Variants in LRMDA observed in about 807,000 individuals in gnomAD.
LRMDA encodes the protein leucine rich melanocyte differentiation associated.
In LRMDA, 18 loss-of-function variants were observed where a neutral mutation model predicts 29.8. That is an observed-to-expected ratio of 0.60 (90% CI 0.42 to 0.90). The LOEUF is 0.90. Among genes scored for constraint, LRMDA ranks in the 40% least tolerant of loss-of-function variants. The pLI is 0.00. For synonymous variants in LRMDA, 125 were observed against 109.4 expected, an observed-to-expected ratio of 1.14 and a Z score of -0.89; for missense variants, 273 against 273.9, an observed-to-expected ratio of 1.00 and a Z score of 0.02.
At chr10:76,113,137 A>C (rs1031310100) in intron 5 of LRMDA, among the ~76,000 whole-genome samples, 3 of 151,474 alleles carry the variant, frequency 2.0e-5, no homozygotes, top group African/African-American at 7.3e-5. Context: ...TCTCTTCCAT[A>C]CTCCATGGAA....
At chr10:75,454,220 C>T (rs538961699) in intron 2 of LRMDA, among the ~76,000 whole-genome samples, 1 of 152,230 alleles carries the variant, frequency 6.6e-6, no homozygotes, top group South Asian at 2.1e-4. Flanking sequence ...GTAGCCAGCT[C>T]CTACACAGAA....
intron 2 of LRMDA, among the ~76,000 whole-genome samples, chr10:75,940,009 A>G (rs978514647): frequency 6.6e-6 from 1 of 152,140 alleles, no homozygotes; most frequent in South Asian, 2.1e-4. Flanking sequence ...GGATGAAGAG[A>G]ACTATGCACC....
At chr10:75,750,306 C>A (rs994869969) in intron 2 of LRMDA, among the ~76,000 whole-genome samples, 1 of 151,570 alleles carries the variant, frequency 6.6e-6, no homozygotes, top group African/African-American at 2.4e-5. Flanking sequence ...GGCTGCCCCC[C>A]ACCTCCCTCC....
intron 2 of LRMDA, among the ~76,000 whole-genome samples, chr10:75,534,877 CAGA>C (rs1839928543): frequency 1.3e-5 from 2 of 152,098 alleles, no homozygotes; most frequent in African/African-American, 4.8e-5. Flanking sequence ...AATGGAGGGT[CAGA>C]TTCAGGGGAA....
chr10:75,604,774 C>T (rs1840934858), intron 2 of LRMDA, among the ~76,000 whole-genome samples: 1 of 152,186 alleles, frequency 6.6e-6, no homozygotes, highest in African/African-American at 2.4e-5. Context: ...TGCTGTGACT[C>T]TCAGACTGGT....
chr10:75,592,254 C>T (rs1053571326), intron 2 of LRMDA, among the ~76,000 whole-genome samples: 1 of 152,150 alleles, frequency 6.6e-6, no homozygotes, highest in African/African-American at 2.4e-5. Context: ...TGCCTCTGCC[C>T]GTCCCCAGCA....
intron 5 of LRMDA, among the ~76,000 whole-genome samples, chr10:76,263,418 A>T (rs1284249892): frequency 1.3e-5 from 2 of 152,182 alleles, no homozygotes; most frequent in South Asian, 2.1e-4. Flanking sequence ...AATGGAGTTG[A>T]TGTGCTATTT....
At chr10:76,047,053 A>AG in intron 3 of LRMDA, 111 bp from the exon 4 acceptor site, 1 of 1,172,696 alleles carries the variant, frequency 8.5e-7, no homozygotes, top group South Asian at 1.4e-5. Flanking sequence ...TTCAGCCCCC[A>AG]CCCTGAGGTC....
At position 75,802,315 on chromosome 10, in the gene LRMDA, C is replaced by G. The variant is rs146146889; in HGVS notation, c.132-233693C>G. On this transcript the variant is annotated intron_variant, in intron 2 of 6. Transcript: ENST00000611255. ...TCTGGGCAACAGAGAGAGACCCTAT[C>G]TCTAAACACACACACACGCGCACAC... is the stretch of plus-strand genomic sequence containing the variant. Among the ~76,000 whole-genome samples the G allele has an allele frequency of 3.6e-4, 52 of 146,410 alleles. No homozygotes were observed. The East Asian group carries it at 9.9e-3, about 28-fold the overall frequency.
At chr10:75,847,686 A>G (rs994837821) in intron 2 of LRMDA, among the ~76,000 whole-genome samples, 1 of 152,202 alleles carries the variant, frequency 6.6e-6, no homozygotes, top group Non-Finnish European at 1.5e-5. Flanking sequence ...GGTGAAGGAC[A>G]TGAATAGAAG....
intron 2 of LRMDA, among the ~76,000 whole-genome samples, chr10:75,894,208 T>C (rs1845545335): frequency 6.6e-6 from 1 of 151,244 alleles, no homozygotes; most frequent in South Asian, 2.1e-4. Flanking sequence ...GTCCCCAAAT[T>C]CCATTGTATC....
intron 5 of LRMDA, among the ~76,000 whole-genome samples, chr10:76,091,276 CGTGTGTGTGT>C (rs56145957): frequency 0.026 from 3,823 of 146,880 alleles, 140 homozygotes; most frequent in African/African-American, 0.081. Flanking sequence ...ACATGGTGGA[CGTGTGTGTGT>C]GTGTGTGTGT....
intron 2 of LRMDA, among the ~76,000 whole-genome samples, chr10:75,678,040 A>C (rs1002389281): frequency 6.6e-6 from 1 of 152,212 alleles, no homozygotes; most frequent in Non-Finnish European, 1.5e-5. Context: ...GATAAGACCT[A>C]TTTAGAAATG....
intron 2 of LRMDA, among the ~76,000 whole-genome samples, chr10:75,491,634 C>G (rs1844988680): frequency 1.3e-5 from 2 of 152,130 alleles, no homozygotes; most frequent in Non-Finnish European, 2.9e-5. Flanking sequence ...CTTGTGTAGT[C>G]AGCATTGTTT....
chr10:75,802,571 A>G (rs1050571046), intron 2 of LRMDA, among the ~76,000 whole-genome samples: 4 of 152,250 alleles, frequency 2.6e-5, no homozygotes, highest in East Asian at 1.9e-4. Flanking sequence ...AGAAGGCAGT[A>G]TCTTTGGTAG....
chr10:76,328,806 A>G (rs907089673), intron 6 of LRMDA, among the ~76,000 whole-genome samples: 1 of 152,216 alleles, frequency 6.6e-6, no homozygotes, highest in Non-Finnish European at 1.5e-5. Flanking sequence ...AGTGGAGAAA[A>G]TTTGAAAACA....
chr10:75,878,093 C>A (rs1845230822), intron 2 of LRMDA, among the ~76,000 whole-genome samples: 1 of 152,138 alleles, frequency 6.6e-6, no homozygotes, highest in South Asian at 2.1e-4. Flanking sequence ...GCTCTTGAAG[C>A]CCCAGTGGCG....
At chr10:76,178,781 G>A (rs553587719) in intron 5 of LRMDA, among the ~76,000 whole-genome samples, 6 of 152,326 alleles carry the variant, frequency 3.9e-5, no homozygotes, top group Admixed American at 3.9e-4. Context: ...GAAAAGCAGC[G>A]TATTCAAGTG....
chr10:75,675,647 T>C (rs1425985164), intron 2 of LRMDA, among the ~76,000 whole-genome samples: 2 of 152,196 alleles, frequency 1.3e-5, no homozygotes. Context: ...TATGTTCTTC[T>C]TGGGCTGCAG....
Sources: gnomAD v4.1 joint callset for allele counts (sites outside exome capture counted in the v4.1 genomes callset) on GRCh38, gnomAD v4.1.1 for gene constraint, MANE v1.5 for transcripts, NCBI Gene and HGNC (gene_info 2026-07-23, HGNC 2026-07-21) for gene names.